FHIT: variants seen among roughly 807,000 people sequenced by gnomAD.
FHIT encodes the protein bis(5'-adenosyl)-triphosphatase.
Under a neutral mutation model 17.9 loss-of-function variants are expected in FHIT, and 19 were observed. The ratio of observed to expected loss-of-function variants is 1.06; its 90% CI spans 0.74 to 1.56. The LOEUF is 1.56. FHIT is among the 40% of genes most tolerant of loss of function. The pLI, the probability that FHIT is intolerant of heterozygous loss-of-function variation, is 0.00. For synonymous variants in FHIT, 81 were observed against 69.7 expected, an observed-to-expected ratio of 1.16 and a Z score of -0.81; for missense variants, 248 against 189.2, an observed-to-expected ratio of 1.31 and a Z score of -1.82.
chr3:59,883,565 C>T (rs572523301), intron 8 of FHIT, among the ~76,000 whole-genome samples: 5 of 152,284 alleles, frequency 3.3e-5, no homozygotes, highest in South Asian at 2.1e-4. Flanking sequence ...TTACAGGGTC[C>T]GTCTCACAAC....
At chr3:59,877,238 G>C (rs180866520) in intron 8 of FHIT, among the ~76,000 whole-genome samples, 2 of 152,086 alleles carry the variant, frequency 1.3e-5, no homozygotes, top group African/African-American at 2.4e-5. Flanking sequence ...TTTGAATCAT[G>C]ATTTCTATAA....
Position 60,224,933 on chromosome 3 carries a change from C to T in FHIT, c.104-210781G>A, listed in dbSNP as rs575675457. 2.6e-5 allele frequency among the ~76,000 whole-genome samples: 4 copies of T among 152,058 alleles called. 1 individual carries two copies. The East Asian group carries it at 5.8e-4, about 22-fold the overall frequency. On this transcript the variant is annotated intron_variant, in intron 5 of 9. Transcript: ENST00000492590. ...ACGGGGTTTCACCATTTTGGCCAGA[C>T]TGGTCTCGAACTCCTGACCTCAAGG...
intron 4 of FHIT, among the ~76,000 whole-genome samples, chr3:60,770,567 G>A (rs1026288490): frequency 2.0e-5 from 3 of 152,144 alleles, no homozygotes; most frequent in South Asian, 2.1e-4. Flanking sequence ...TATAGGCAGT[G>A]AGAAAGGTAT....
chr3:59,962,229 T>C (rs552751643), intron 7 of FHIT, among the ~76,000 whole-genome samples: 2 of 152,318 alleles, frequency 1.3e-5, no homozygotes, highest in South Asian at 4.1e-4. Context: ...AATACTAAAA[T>C]AGGGAATATA....
At chr3:60,784,172 C>G (rs575241946) in intron 4 of FHIT, among the ~76,000 whole-genome samples, 3 of 152,186 alleles carry the variant, frequency 2.0e-5, no homozygotes, top group Admixed American at 2.0e-4. Flanking sequence ...GCTCCTGCAC[C>G]CTCTAGCTTC....
At chr3:60,630,945 AAAAAAAAAAAAC>A (rs2039423386) in intron 4 of FHIT, among the ~76,000 whole-genome samples, 2 of 108,158 alleles carry the variant, frequency 1.8e-5, no homozygotes, top group Admixed American at 2.2e-4. Flanking sequence ...AAAAAAAAAA[AAAAAAAAAAAAC>A]ACACAGAAAT....
intron 5 of FHIT, among the ~76,000 whole-genome samples, chr3:60,115,291 C>A (rs1704904331): frequency 6.6e-6 from 1 of 152,158 alleles, no homozygotes; most frequent in South Asian, 2.1e-4. Context: ...CTAACATCTT[C>A]AGACAGAGTG....
At chr3:60,112,900 C>A (rs1704741195) in intron 5 of FHIT, among the ~76,000 whole-genome samples, 2 of 152,204 alleles carry the variant, frequency 1.3e-5, no homozygotes, top group South Asian at 4.1e-4. Flanking sequence ...CCTTATGGAA[C>A]CACTTTAAGC....
At chr3:60,125,677 TGTGC>T (rs1234978252) in intron 5 of FHIT, among the ~76,000 whole-genome samples, 4 of 116,108 alleles carry the variant, frequency 3.4e-5, no homozygotes, top group East Asian at 2.1e-4. Context: ...TATATATGTG[TGTGC>T]GTGTGTACAT....
chr3:60,900,261 A>C lies in FHIT; in HGVS notation c.-110-78250T>G, dbSNP rs558266107. On this transcript the variant is annotated intron_variant, in intron 3 of 9. Coordinates refer to ENST00000492590, the MANE Select transcript of FHIT (RefSeq NM_002012.4). ...AAATGAGGTACAAAATTTAAGTAGA[A>C]CTAAAAACAACCTCAGTAGCCAGGT... Among the ~76,000 whole-genome samples, 20 of 152,240 alleles carry C rather than the reference A, an allele frequency of 1.3e-4. No individual in the cohort carries two copies. The South Asian group carries it at 4.1e-3, about 32-fold the overall frequency.
intron 3 of FHIT, among the ~76,000 whole-genome samples, chr3:60,984,837 T>C (rs1710653084): frequency 1.3e-5 from 2 of 152,066 alleles, no homozygotes; most frequent in South Asian, 4.1e-4. Context: ...TATTTCTTTC[T>C]GTAGGTGATC....
chr3:59,978,894 C>A (rs1708529198), intron 7 of FHIT, among the ~76,000 whole-genome samples: 1 of 151,854 alleles, frequency 6.6e-6, no homozygotes, highest in Non-Finnish European at 1.5e-5. Flanking sequence ...GCTTCCCAGA[C>A]TCTGTTCTTC....
chr3:59,947,104 T>C (rs1358830786), intron 7 of FHIT, among the ~76,000 whole-genome samples: 2 of 152,210 alleles, frequency 1.3e-5, no homozygotes, highest in Non-Finnish European at 2.9e-5. Flanking sequence ...CTCCTCTTTA[T>C]ATGTCTAGTA....
chr3:60,956,388 T>C (rs1333548140), intron 3 of FHIT, among the ~76,000 whole-genome samples: 1 of 152,124 alleles, frequency 6.6e-6, no homozygotes, highest in African/African-American at 2.4e-5. Context: ...GATCCGAGGT[T>C]GAAACATTCT....
At chr3:60,402,850 A>T (rs1701715058) in intron 5 of FHIT, among the ~76,000 whole-genome samples, 1 of 152,218 alleles carries the variant, frequency 6.6e-6, no homozygotes, top group African/African-American at 2.4e-5. Flanking sequence ...CTCAATCCAC[A>T]TTTACTGAAA....
chr3:60,109,479 T>C (rs1047444476), intron 5 of FHIT, among the ~76,000 whole-genome samples: 7 of 151,980 alleles, frequency 4.6e-5, no homozygotes, highest in Non-Finnish European at 8.8e-5. Context: ...AGAGAGTAAA[T>C]AGAGATATTT....
intron 3 of FHIT, among the ~76,000 whole-genome samples, chr3:60,845,629 A>C (rs1702901530): frequency 6.6e-6 from 1 of 152,170 alleles, no homozygotes; most frequent in African/African-American, 2.4e-5. Context: ...GAATTTATTT[A>C]GGTTATACAA....
intron 2 of FHIT, among the ~76,000 whole-genome samples, chr3:61,089,319 C>G (rs959524494): frequency 1.3e-5 from 2 of 152,104 alleles, no homozygotes; most frequent in Admixed American, 6.6e-5. Flanking sequence ...GGAACAACTA[C>G]CTGTATCTAG....
chr3:60,295,272 T>C (rs1029774295), intron 5 of FHIT, among the ~76,000 whole-genome samples: 2 of 151,978 alleles, frequency 1.3e-5, no homozygotes, highest in African/African-American at 2.4e-5. Context: ...AAAAAATAGA[T>C]ATAAAGGAAG....
Sources: allele counts gnomAD v4.1 joint callset (sites outside exome capture counted in the v4.1 genomes callset), GRCh38; gene constraint gnomAD v4.1.1; transcripts MANE v1.5; gene names NCBI Gene and HGNC (gene_info 2026-07-23, HGNC 2026-07-21).